The following MYCBP2 variants were observed in gnomAD, a reference collection of about 807,000 sequenced individuals.
MYCBP2 encodes the protein MYC binding protein 2.
MYCBP2 carries 120 observed loss-of-function variants against 525.3 expected under a neutral mutation model. The observed-to-expected ratio is 0.23, with a 90% CI of 0.20 to 0.27. The LOEUF is 0.27. MYCBP2 is among the 10% of genes least tolerant of loss of function. The pLI, the probability that MYCBP2 is intolerant of heterozygous loss-of-function variation, is 1.00. For missense variants in MYCBP2, 4,149 were observed against 5,657.1 expected, an observed-to-expected ratio of 0.73 and a Z score of 8.55; for synonymous variants, 1,894 against 1,955.8, an observed-to-expected ratio of 0.97 and a Z score of 0.83.
chr13:77,166,240 T>C lies in MYCBP2; in HGVS notation c.6340+89A>G, dbSNP rs1353982318. ...GTCTTTAATAAATTTCTCTAAAAATTAGATAAACATTTTCAATGATACACC... is the reference window on the plus strand; with the variant it reads ...GTCTTTAATAAATTTCTCTAAAAATCAGATAAACATTTTCAATGATACACC... On this transcript the variant is annotated intron_variant, in intron 41 of 82. Coordinates refer to ENST00000544440, the MANE Select transcript of MYCBP2 (RefSeq NM_015057.5). 1.4e-5 allele frequency: 13 copies of C among 958,390 alleles called. No homozygotes were observed. The East Asian group carries it at 1.8e-4, about 14-fold the overall frequency. The allele number at this position is 958,390 out of a possible 1,614,324, so 59.4% of individuals were successfully genotyped here.
chr13:77,176,483 T>A lies in MYCBP2; in HGVS notation c.5472+14A>T. On this transcript the variant is annotated intron_variant, in intron 36 of 82. Coordinates refer to ENST00000544440, the MANE Select transcript of MYCBP2 (RefSeq NM_015057.5). ...TACCTCTTATTCACAATAGAAACAT[T>A]CAGTTGAAACTACCTTTAAAGGAAC... 6.4e-7 allele frequency: 1 copy of A among 1,570,422 alleles called. No homozygotes were observed. Among genetic ancestry groups the A allele is most frequent in the Non-Finnish European group, 8.7e-7 (1 of 1,154,560 alleles).
chr13:77,127,091 G>A (rs2051806645), intron 52 of MYCBP2, among the ~76,000 whole-genome samples: 2 of 151,964 alleles, frequency 1.3e-5, no homozygotes, highest in African/African-American at 2.4e-5. Context: ...CTATTTGTTA[G>A]TTATGAATGA....
At position 77,098,582 on chromosome 13, in the gene MYCBP2, C is replaced by A. The variant is rs759727612; in HGVS notation, c.8572G>T (p.Val2858Phe). Residue 2858 changes from valine (V) to phenylalanine (F), a missense_variant, in exon 56 of 83, where the codon GTT (valine) becomes TTT (phenylalanine). Transcript: ENST00000544440. ...CGAGGAGGATCAAGCTTTGTCTTAACAGGAGCAGTACTTTTTTGAGGTAGA... is the reference window on the plus strand; with the variant it reads ...CGAGGAGGATCAAGCTTTGTCTTAAAAGGAGCAGTACTTTTTTGAGGTAGA... The part of the protein sequence containing the change: ...KNLPQKSTAP[V>F]KTKLDPPRER... 1 of 1,613,664 alleles carries A rather than the reference C, an allele frequency of 6.2e-7. No homozygotes were observed. Among genetic ancestry groups the A allele is most frequent in the Non-Finnish European group, 8.5e-7 (1 of 1,179,766 alleles).
Position 77,197,423 on chromosome 13 carries a change from A to T in MYCBP2, c.3844-3179T>A, listed in dbSNP as rs536279799. ...TATCAAGCATATGGTGGATGGTACT[A>T]ATCATGAGAGAGAGAGATCAGTGGA... On this transcript the variant is annotated intron_variant, in intron 26 of 82. Transcript: ENST00000544440. 2.6e-5 allele frequency among the ~76,000 whole-genome samples: 4 copies of T among 152,306 alleles called. No homozygotes were observed. The South Asian group carries it at 6.2e-4, about 24-fold the overall frequency.
Position 77,164,546 on chromosome 13 carries a change from G to C in MYCBP2, c.6460-5C>G, listed in dbSNP as rs770879593. On this transcript the variant is annotated splice_region_variant and splice_polypyrimidine_tract_variant and intron_variant, in intron 42 of 82. Transcript: ENST00000544440. ...TTTTTCCAATTGGATGACTCCCTAT[G>C]GAATTGCATAAAATTTGCTGCTTTA... 9 of 1,580,004 alleles carry C rather than the reference G, an allele frequency of 5.7e-6. No homozygotes were observed. The East Asian group carries it at 1.8e-4, about 31-fold the overall frequency.
At chr13:77,215,938 T>G (rs965593090) in intron 21 of MYCBP2, among the ~76,000 whole-genome samples, 1 of 152,120 alleles carries the variant, frequency 6.6e-6, no homozygotes, top group Admixed American at 6.6e-5. Context: ...ATACCAGAGA[T>G]CCAAAGACGT....
chr13:77,156,228 C>G, intron 45 of MYCBP2, 26 bp from the exon 46 acceptor site: 1 of 1,601,868 alleles, frequency 6.2e-7, no homozygotes, highest in Non-Finnish European at 8.5e-7. Context: ...AACAAATAAA[C>G]AAAACCCCAA....
intron 55 of MYCBP2, among the ~76,000 whole-genome samples, chr13:77,110,256 T>C (rs2048580111): frequency 6.6e-6 from 1 of 152,098 alleles, no homozygotes; most frequent in Admixed American, 6.5e-5. Flanking sequence ...ATTGCATTCC[T>C]GGGGGGAGGT....
intron 32 of MYCBP2, among the ~76,000 whole-genome samples, chr13:77,184,326 T>A (rs2154251043): frequency 6.6e-6 from 1 of 152,370 alleles, no homozygotes; most frequent in Middle Eastern, 3.4e-3. Flanking sequence ...TTTACTGTAA[T>A]TCTACTGTGG....
chr13:77,138,363 A>G (rs2054078437), intron 52 of MYCBP2, among the ~76,000 whole-genome samples: 1 of 152,196 alleles, frequency 6.6e-6, no homozygotes, highest in African/African-American at 2.4e-5. Context: ...TATTATGGAC[A>G]ATCAAGGAGA....
chr13:77,142,774 A>G (rs1566687264), intron 49 of MYCBP2, among the ~76,000 whole-genome samples: 1 of 152,220 alleles, frequency 6.6e-6, no homozygotes, highest in Non-Finnish European at 1.5e-5. Flanking sequence ...AAAATGATCT[A>G]AAATCTAAAA....
At chr13:77,200,267 A>T (rs374244751) in intron 26 of MYCBP2, among the ~76,000 whole-genome samples, 1 of 152,182 alleles carries the variant, frequency 6.6e-6, no homozygotes, top group Non-Finnish European at 1.5e-5. Context: ...GGAGCCGATG[A>T]GATCAACTGG....
intron 73 of MYCBP2, among the ~76,000 whole-genome samples, chr13:77,063,012 G>T (rs1192967324): frequency 6.6e-6 from 1 of 152,048 alleles, no homozygotes; most frequent in African/African-American, 2.4e-5. Flanking sequence ...AAATGAATTG[G>T]CATATTTAAT....
intron 1 of MYCBP2, among the ~76,000 whole-genome samples, chr13:77,300,360 G>A (rs752353530): frequency 6.6e-6 from 1 of 152,198 alleles, no homozygotes; most frequent in Admixed American, 6.5e-5. Context: ...GTTACAGCAC[G>A]AAAGCAGCCA....
At chr13:77,242,119 G>A (rs759153298) in intron 17 of MYCBP2, among the ~76,000 whole-genome samples, 3 of 151,590 alleles carry the variant, frequency 2.0e-5, no homozygotes, top group Non-Finnish European at 2.9e-5. Flanking sequence ...AATTTTTTTT[G>A]TTTGTTTTCT....
rs371224735 is a variant in MYCBP2, at chr13:77,251,128, T to C, written c.2381+23A>G. 305 of 1,608,318 alleles carry C rather than the reference T, an allele frequency of 1.9e-4. No individual in the cohort carries two copies. The African/African-American group carries it at 3.3e-3, about 18-fold the overall frequency. On this transcript the variant is annotated intron_variant, in intron 15 of 82. Coordinates refer to ENST00000544440, the MANE Select transcript of MYCBP2 (RefSeq NM_015057.5). ...AGAAATGTGTTCTGCACATGTTCTT[T>C]AGTAGGAATCATTGTCTCTTACCCT...
Position 77,142,499 on chromosome 13 carries a change from T to C in MYCBP2, c.7304-1556A>G, listed in dbSNP as rs7320950. Among the ~76,000 whole-genome samples, 376 of 152,334 alleles carry C rather than the reference T, an allele frequency of 2.5e-3. 1 individual carries two copies. The highest frequency in any genetic ancestry group is 0.017 in the Middle Eastern group (5 of 294). ...ATTACATCAATGTAAAGTACCTCTT[T>C]ACCTCCACTGCCAAAGCAAACTACT... is the stretch of plus-strand genomic sequence containing the variant. On this transcript the variant is annotated intron_variant, in intron 49 of 82. Transcript: ENST00000544440.
Position 77,185,897 on chromosome 13 carries a change from T to G in MYCBP2, c.4418A>C (p.Tyr1473Ser). ...GTCCLRLLRV[Y>S]TCEIYPVSAT... ...TGACACTGGGTAAATTTCACAGGTA[T>G]AGACACGCAATAACCTCAGACAACA... The change falls in exon 31 of 83, where the codon TAT (tyrosine) becomes TCT (serine). Residue 1473 changes from tyrosine (Y) to serine (S), a missense_variant. Transcript: ENST00000544440. The G allele has an allele frequency of 6.2e-7, 1 of 1,609,284 alleles. No homozygotes were observed. The highest frequency in any genetic ancestry group is 1.1e-5 in the South Asian group (1 of 90,094).
intron 82 of MYCBP2, among the ~76,000 whole-genome samples, chr13:77,046,505 A>G (rs571547486): frequency 2.0e-5 from 3 of 152,224 alleles, no homozygotes; most frequent in South Asian, 4.1e-4. Flanking sequence ...CATTTCTGAC[A>G]TAAGAGAAGG....
Sources: gnomAD v4.1 joint callset for allele counts (sites outside exome capture counted in the v4.1 genomes callset) on GRCh38, gnomAD v4.1.1 for gene constraint, MANE v1.5 for transcripts, NCBI Gene and HGNC (gene_info 2026-07-23, HGNC 2026-07-21) for gene names.